The following ITGA9 variants were observed in gnomAD, a reference collection of about 807,000 sequenced individuals.
ITGA9 encodes integrin subunit alpha 9, also known as integrin alpha-9.
In ITGA9, 56 loss-of-function variants were observed where a neutral mutation model predicts 127.8. The observed-to-expected ratio is 0.44, with a 90% confidence interval of 0.35 to 0.55. The LOEUF is 0.55. Among genes scored for constraint, ITGA9 ranks in the 20% least tolerant of loss-of-function variants. The pLI, the probability that ITGA9 is intolerant of heterozygous loss-of-function variation, is 0.00. For synonymous variants in ITGA9, 508 were observed against 514.5 expected (o/e 0.99, Z 0.17); for missense variants, 1,196 against 1,347.1 (o/e 0.89, Z 1.76).
At chr3:37,498,421 T>C (rs1000650927) in intron 5 of ITGA9, among the ~76,000 whole-genome samples, 2 of 152,148 alleles carry the variant, frequency 1.3e-5, no homozygotes, top group African/African-American at 4.8e-5. Flanking sequence ...AGTGTCATTA[T>C]GTTTGCCGCA....
chr3:37,723,536 G>A (rs1330125503), intron 18 of ITGA9, among the ~76,000 whole-genome samples: 1 of 151,910 alleles, frequency 6.6e-6, no homozygotes, highest in Non-Finnish European at 1.5e-5. Context: ...TAATTTTTGT[G>A]TTTTTAGTAG....
chr3:37,728,808 A>G (rs2125526665), intron 18 of ITGA9, among the ~76,000 whole-genome samples: 1 of 151,876 alleles, frequency 6.6e-6, no homozygotes, highest in South Asian at 2.1e-4. Context: ...CATCAGAAGC[A>G]GCACCCGAGA....
chr3:37,510,655 T>G (rs1698895669), intron 8 of ITGA9, among the ~76,000 whole-genome samples: 1 of 152,228 alleles, frequency 6.6e-6, no homozygotes, highest in East Asian at 1.9e-4. Context: ...CAGGCCTGAA[T>G]GTCTGCTTGG....
chr3:37,726,262 G>C (rs1038189106), intron 18 of ITGA9, among the ~76,000 whole-genome samples: 1 of 152,218 alleles, frequency 6.6e-6, no homozygotes. Flanking sequence ...AAGAAGGAAA[G>C]GGTCTTAGAG....
intron 20 of ITGA9, among the ~76,000 whole-genome samples, chr3:37,741,040 A>C (rs1357209035): frequency 6.6e-6 from 1 of 152,104 alleles, no homozygotes; most frequent in African/African-American, 2.4e-5. Context: ...GAAGTCTAGC[A>C]ACTCCTTCCT....
intron 15 of ITGA9, among the ~76,000 whole-genome samples, chr3:37,579,358 A>G (rs1013914229): frequency 2.0e-5 from 3 of 152,168 alleles, no homozygotes; most frequent in Non-Finnish European, 2.9e-5. Flanking sequence ...TCCAGTTTCA[A>G]AGTTACCTTA....
chr3:37,461,403 A>C (rs553336884), intron 1 of ITGA9, among the ~76,000 whole-genome samples: 1 of 152,332 alleles, frequency 6.6e-6, no homozygotes, highest in East Asian at 1.9e-4. Flanking sequence ...ATAAGGGTAC[A>C]TCCCTCATTA....
intron 18 of ITGA9, among the ~76,000 whole-genome samples, chr3:37,694,593 A>G (rs1019060454): frequency 5.3e-5 from 8 of 152,242 alleles, no homozygotes; most frequent in African/African-American, 1.7e-4. Flanking sequence ...AGAAATGTCA[A>G]CAGAGCTGTA....
At chr3:37,552,998 G>A (rs1319322805) in intron 15 of ITGA9, among the ~76,000 whole-genome samples, 2 of 141,936 alleles carry the variant, frequency 1.4e-5, no homozygotes, top group South Asian at 2.3e-4. Context: ...CTAGGAGACC[G>A]AGCAAGACTC....
intron 18 of ITGA9, among the ~76,000 whole-genome samples, chr3:37,731,905 C>T (rs1043324847): frequency 1.3e-5 from 2 of 152,198 alleles, no homozygotes; most frequent in Non-Finnish European, 2.9e-5. Flanking sequence ...GTCTAGATGC[C>T]TTGAAATGTT....
intron 15 of ITGA9, among the ~76,000 whole-genome samples, chr3:37,576,305 C>T (rs997083104): frequency 2.0e-5 from 3 of 152,266 alleles, no homozygotes; most frequent in Admixed American, 6.5e-5. Context: ...AACAGAAACA[C>T]GCGTAACTTT....
At chr3:37,524,222 G>A (rs1056145459) in intron 12 of ITGA9, among the ~76,000 whole-genome samples, 1 of 152,180 alleles carries the variant, frequency 6.6e-6, no homozygotes, top group Non-Finnish European at 1.5e-5. Context: ...TTGCCTGGGT[G>A]GTGGAGTAGT....
At chr3:37,591,187 T>C (rs1699814618) in intron 15 of ITGA9, among the ~76,000 whole-genome samples, 1 of 152,218 alleles carries the variant, frequency 6.6e-6, no homozygotes, top group African/African-American at 2.4e-5. Flanking sequence ...AAGGATCCCT[T>C]TCTCCTCATT....
chr3:37,785,569 C>G (rs1277504700), intron 26 of ITGA9, among the ~76,000 whole-genome samples: 2 of 152,060 alleles, frequency 1.3e-5, no homozygotes, highest in Non-Finnish European at 2.9e-5. Context: ...GAATACCTGG[C>G]CTCAAGGGAT....
Position 37,554,569 on chromosome 3 carries a change from C to T in ITGA9, c.1689+11984C>T, listed in dbSNP as rs113293067. On this transcript the variant is annotated intron_variant, in intron 15 of 27. Coordinates refer to ENST00000264741, the MANE Select transcript of ITGA9 (RefSeq NM_002207.3). The stretch of plus-strand genomic sequence containing the variant: ...CTATGTTGGGAAGGCCTGTAGGAGG[C>T]GGTAGAGCAGCAGGAACGGGGTTAG... 7.6e-4 allele frequency among the ~76,000 whole-genome samples: 116 copies of T among 152,020 alleles called. 1 individual carries two copies. The highest frequency in any genetic ancestry group is 2.5e-3 in the African/African-American group (102 of 41,444).
At chr3:37,796,073 T>C (rs556464555) in intron 26 of ITGA9, among the ~76,000 whole-genome samples, 1 of 152,300 alleles carries the variant, frequency 6.6e-6, no homozygotes, top group South Asian at 2.1e-4. Context: ...TTGTTCATCC[T>C]GTTGGCTCCA....
chr3:37,766,474 A>G (rs1390203814), intron 23 of ITGA9, among the ~76,000 whole-genome samples: 1 of 152,200 alleles, frequency 6.6e-6, no homozygotes, highest in African/African-American at 2.4e-5. Flanking sequence ...GGTTAGATAG[A>G]TGGTGATGTA....
chr3:37,741,580 A>G lies in ITGA9; in HGVS notation c.2235-150A>G, dbSNP rs1238975605. 1.1e-5 allele frequency: 8 copies of G among 698,522 alleles called. No homozygotes were observed. In the East Asian group the frequency reaches 1.6e-4, roughly 14 times the overall value. 43.3% of individuals were successfully genotyped at this position (698,522 alleles called of 1,614,324 possible). The stretch of plus-strand genomic sequence containing the variant: ...AGACAATAGAGTGCCCTTGATAGAT[A>G]TGTACAGGGACCAAAAACAGACTGA... On this transcript the variant is annotated intron_variant, in intron 20 of 27. Coordinates refer to ENST00000264741, the MANE Select transcript of ITGA9 (RefSeq NM_002207.3).
intron 15 of ITGA9, among the ~76,000 whole-genome samples, chr3:37,621,459 T>C (rs572001717): frequency 6.6e-6 from 1 of 152,342 alleles, no homozygotes; most frequent in East Asian, 1.9e-4. Context: ...ACTGCTGCTA[T>C]ATTCCATGCT....
Sources: allele counts gnomAD v4.1 joint callset (sites outside exome capture counted in the v4.1 genomes callset), GRCh38; gene constraint gnomAD v4.1.1; transcripts MANE v1.5; gene names NCBI Gene and HGNC (gene_info 2026-07-23, HGNC 2026-07-21).